DYNC2H1: variants seen among roughly 807,000 people sequenced by gnomAD.
The protein encoded by DYNC2H1 is dynein cytoplasmic 2 heavy chain 1.
A neutral mutation model predicts 570.0 loss-of-function variants in DYNC2H1; 410 were observed. That is an observed-to-expected ratio of 0.72 (90% CI 0.66 to 0.78). The LOEUF is 0.78. Ranked by LOEUF, DYNC2H1 falls within the 30% of genes least tolerant of loss-of-function variation. The pLI, the probability that DYNC2H1 is intolerant of heterozygous loss-of-function variation, is 0.00. For missense variants in DYNC2H1, 4,865 were observed against 5,046.4 expected, an observed-to-expected ratio of 0.96 and a Z score of 1.09; for synonymous variants, 1,688 against 1,677.6, an observed-to-expected ratio of 1.01 and a Z score of -0.15.
chr11:103,387,169 CCTGA>C (rs1173699999), intron 83 of DYNC2H1, among the ~76,000 whole-genome samples: 1 of 152,140 alleles, frequency 6.6e-6, no homozygotes, highest in Non-Finnish European at 1.5e-5. Flanking sequence ...CCTGTTGTTT[CCTGA>C]CTTTTTAATG....
rs538712081 is a variant in DYNC2H1, at chr11:103,250,586, A to C, written c.10043-2699A>C. Among the ~76,000 whole-genome samples, 104 of 152,040 alleles carry C rather than the reference A, an allele frequency of 6.8e-4. 1 individual carries two copies. Among genetic ancestry groups the C allele is most frequent in the Non-Finnish European group, 8.2e-4 (56 of 67,964 alleles). On this transcript the variant is annotated intron_variant, in intron 65 of 88. Coordinates refer to ENST00000375735, the MANE Select transcript of DYNC2H1 (RefSeq NM_001377.3). ...CCAACTTTTAATGTTGATTTTCTGA[A>C]CTGTATTTTAAAATTGATGTTGCTC...
Position 103,133,655 on chromosome 11 carries a change from T to A in DYNC2H1, c.2054T>A (p.Leu685His). The A allele has an allele frequency of 6.2e-7, 1 of 1,613,226 alleles. No individual in the cohort carries two copies. The highest frequency in any genetic ancestry group is 8.5e-7 in the Non-Finnish European group (1 of 1,179,602). Residue 685 changes from leucine (L) to histidine (H), a missense_variant, in exon 14 of 89, where the codon CTT (leucine) becomes CAT (histidine). Leu to His is a moderately conservative substitution (Grantham distance 99). This residue lies in a region of DYNC2H1 where 1,936 missense variants were observed against 1,962.1 expected (regional missense o/e 0.99). Coordinates refer to ENST00000375735, the MANE Select transcript of DYNC2H1 (RefSeq NM_001377.3). The surrounding 1 kb of genome is among the most constrained non-coding windows in gnomAD (Gnocchi z 4.8). Reference sequence around the variant, plus strand: ...AAACTCCAAAATGCTGCTGAACGGCTTGCCACTGAAAATAGAAAACTGAGA... The same window carrying A: ...AAACTCCAAAATGCTGCTGAACGGCATGCCACTGAAAATAGAAAACTGAGA... ...IQKLQNAAER[L>H]ATENRKLRKW...
intron 54 of DYNC2H1, among the ~76,000 whole-genome samples, chr11:103,213,566 C>T (rs943471109): frequency 2.7e-5 from 4 of 150,680 alleles, no homozygotes; most frequent in South Asian, 2.1e-4. Flanking sequence ...GTGTAATGAT[C>T]AAAGGGTGAT....
intron 13 of DYNC2H1, among the ~76,000 whole-genome samples, chr11:103,130,423 G>T (rs867804288): frequency 6.6e-6 from 1 of 152,060 alleles, no homozygotes; most frequent in Middle Eastern, 3.2e-3. Flanking sequence ...TCTCAAGCTT[G>T]ATAATTCTAG....
chr11:103,196,717 G>T (rs914516289), intron 47 of DYNC2H1, among the ~76,000 whole-genome samples: 1 of 152,086 alleles, frequency 6.6e-6, no homozygotes, highest in African/African-American at 2.4e-5. Context: ...TAGTTGTGGC[G>T]TGATAAGTAG....
Position 103,121,009 on chromosome 11 carries a change from C to T in DYNC2H1, c.1333C>T (p.Leu445=). 6.3e-7 allele frequency: 1 copy of T among 1,583,678 alleles called. No individual in the cohort carries two copies. The highest frequency in any genetic ancestry group is 1.2e-5 in the South Asian group (1 of 84,410). The change falls in exon 9 of 89, where the codon CTG becomes TTG. Residue 445 remains leucine, a synonymous_variant. Coordinates refer to ENST00000375735, the MANE Select transcript of DYNC2H1 (RefSeq NM_001377.3). ...ATTGATGTTAGAAAGAGAAACTTTACTGGCAAGACTTGTGGACTCAATTAA... is the reference window on the plus strand; with the variant it reads ...ATTGATGTTAGAAAGAGAAACTTTATTGGCAAGACTTGTGGACTCAATTAA... ...KELMLERETL[L]ARLVDSIKDF...
intron 73 of DYNC2H1, among the ~76,000 whole-genome samples, chr11:103,283,994 T>C (rs1486547676): frequency 7.0e-6 from 1 of 142,448 alleles, no homozygotes; most frequent in African/African-American, 2.6e-5. Flanking sequence ...GGCCCACCTG[T>C]GCACTTCCTT....
At position 103,148,559 on chromosome 11, in the gene DYNC2H1, T is replaced by G; in HGVS notation, c.2888T>G (p.Val963Gly). 1 of 1,568,812 alleles carries G rather than the reference T, an allele frequency of 6.4e-7. No homozygotes were observed. The highest frequency in any genetic ancestry group is 8.7e-7 in the Non-Finnish European group (1 of 1,155,366). The change falls in exon 20 of 89, where the codon GTG (valine) becomes GGG (glycine). Residue 963 changes from valine (V) to glycine (G), a missense_variant. By Grantham distance (109) the Val-to-Gly change is moderately radical (BLOSUM62 -3). Coordinates refer to ENST00000375735, the MANE Select transcript of DYNC2H1 (RefSeq NM_001377.3). Reference sequence around the variant, plus strand: ...GTCTTAACAATTATGCCCCAGTCTGTGGAAGAAATTGGTGATGCAAATCTA... The same window carrying G: ...GTCTTAACAATTATGCCCCAGTCTGGGGAAGAAATTGGTGATGCAAATCTA... ...MEVLTIMPQS[V>G]EEIGDANLQY...
At chr11:103,467,473 T>C (rs1945227481) in intron 87 of DYNC2H1, among the ~76,000 whole-genome samples, 1 of 152,182 alleles carries the variant, frequency 6.6e-6, no homozygotes, top group Non-Finnish European at 1.5e-5. Flanking sequence ...CTGAATTCTA[T>C]AGTTCTTTCA....
chr11:103,466,362 A>C (rs552972682), intron 87 of DYNC2H1, among the ~76,000 whole-genome samples: 155 of 152,308 alleles, frequency 1.0e-3, no homozygotes, highest in African/African-American at 3.3e-3. Context: ...GAAAATATCT[A>C]CTCAGGATTT....
At chr11:103,247,008 T>C (rs1397162760) in intron 65 of DYNC2H1, among the ~76,000 whole-genome samples, 2 of 151,934 alleles carry the variant, frequency 1.3e-5, no homozygotes, top group African/African-American at 4.8e-5. Context: ...CCTTTTTTTT[T>C]TTTTACTTTG....
intron 18 of DYNC2H1, among the ~76,000 whole-genome samples, chr11:103,147,287 T>C (rs1320670144): frequency 1.3e-5 from 2 of 152,176 alleles, no homozygotes; most frequent in Non-Finnish European, 2.9e-5. Flanking sequence ...TTTTTCAATT[T>C]GATAAGTGTA....
rs1864887144 is a variant in DYNC2H1 at position 103,252,830 on chromosome 11, A to G, written c.10043-455A>G. On this transcript the variant is annotated intron_variant, in intron 65 of 88. Transcript: ENST00000375735. The surrounding 1 kb of genome is among the most constrained non-coding windows in gnomAD (Gnocchi z 4.6). ...ATTTTGTTGATAATGTGTATTTTTC[A>G]GTTACTCATGTGATAATCTGTTTTT... Among the ~76,000 whole-genome samples, 1 of 152,082 alleles carries G rather than the reference A, an allele frequency of 6.6e-6. No individual in the cohort carries two copies. Among genetic ancestry groups the G allele is most frequent in the South Asian group, 2.1e-4 (1 of 4,826 alleles).
chr11:103,448,305 G>A (rs1218997920), intron 85 of DYNC2H1, among the ~76,000 whole-genome samples: 1 of 152,064 alleles, frequency 6.6e-6, no homozygotes, highest in Non-Finnish European at 1.5e-5. Context: ...ACAACATCAT[G>A]TTCTGTGTAT....
rs1555064376 is a variant in DYNC2H1, at chr11:103,192,199, T to C, written c.7643T>C (p.Phe2548Ser). The change falls in exon 47 of 89, where the codon TTT becomes TCT. Residue 2548 changes from phenylalanine (F) to serine (S), a missense_variant. Phe to Ser is a radical substitution (Grantham distance 155). This residue lies in a region of DYNC2H1 where 2,401 missense variants were observed against 2,454.6 expected (regional missense o/e 0.98). Transcript: ENST00000375735. The part of the protein sequence containing the change: ...KIVGAKELHL[F>S]DIILTSVFQG... ...GTTGGTGCAAAGGAACTTCATTTAT[T>C]TGACATCATTTTAACATCAGTGTTT... 3.8e-6 allele frequency: 6 copies of C among 1,589,588 alleles called. No homozygotes were observed. The highest frequency in any genetic ancestry group is 2.2e-5 in the East Asian group (1 of 44,480).
intron 82 of DYNC2H1, among the ~76,000 whole-genome samples, chr11:103,351,073 G>T (rs1479525232): frequency 6.6e-6 from 1 of 152,094 alleles, no homozygotes; most frequent in Non-Finnish European, 1.5e-5. Context: ...AATGTTTTCT[G>T]CTTTTTAAAT....
intron 83 of DYNC2H1, among the ~76,000 whole-genome samples, chr11:103,362,646 T>C (rs1591632722): frequency 6.6e-6 from 1 of 152,194 alleles, no homozygotes; most frequent in East Asian, 1.9e-4. Flanking sequence ...TTTGTTTTCT[T>C]TGACTTGCCT....
In DYNC2H1 at chr11:103,170,210, G is replaced by T. The variant is rs765975876; in HGVS notation, c.5071G>T (p.Ala1691Ser). The T allele has an allele frequency of 1.9e-6, 3 of 1,612,732 alleles. No homozygotes were observed. The Admixed American group carries it at 5.0e-5, about 27-fold the overall frequency. Residue 1691 changes from alanine to serine, a missense_variant, in exon 33 of 89, where the codon GCT (alanine) becomes TCT (serine). Coordinates refer to ENST00000375735, the MANE Select transcript of DYNC2H1 (RefSeq NM_001377.3). This position sits in a 1 kb window ranked among gnomAD's most constrained non-coding sequence, Gnocchi z 4.8. ...MGLGGNPYGP[A>S]GTGKTESVKA... is the part of the protein sequence containing the mutation. ...ACTTGGAGGAAATCCTTATGGACCA[G>T]CTGGAACTGGGAAAACGGAATCAGT...
At chr11:103,390,532 C>T (rs1013154413) in intron 83 of DYNC2H1, among the ~76,000 whole-genome samples, 3 of 152,060 alleles carry the variant, frequency 2.0e-5, no homozygotes, top group South Asian at 2.1e-4. Context: ...GAATTTGATC[C>T]TGTCATTATG....
Sources: gnomAD v4.1 joint callset for allele counts (sites outside exome capture counted in the v4.1 genomes callset) on GRCh38, gnomAD v4.1.1 for gene constraint, gnomAD v4.1.1 regional missense constraint, Gnocchi (gnomAD v3.1) non-coding constraint, MANE v1.5 for transcripts, NCBI Gene and HGNC (gene_info 2026-07-23, HGNC 2026-07-21) for gene names.